GPR132: variants seen among roughly 807,000 people sequenced by gnomAD.
The protein encoded by GPR132 is G protein-coupled receptor 132.
A neutral mutation model predicts 1.9 loss-of-function variants in GPR132; 4 were observed. That is an observed-to-expected ratio of 2.13 (90% CI 1.05 to 4.87). GPR132 has a LOEUF of 4.87. Among genes scored for constraint, GPR132 ranks in the 30% most tolerant of loss-of-function variants. The pLI, the probability that GPR132 is intolerant of heterozygous loss-of-function variation, is 0.01. For missense variants in GPR132, 404 were observed against 512.5 expected (o/e 0.79, Z 2.04); for synonymous variants, 233 against 234.2 (o/e 0.99, Z 0.05).
chr14:105,054,158 C>A, intron 3 of GPR132: 2 of 1,276,874 alleles, frequency 1.6e-6, no homozygotes, highest in Non-Finnish European at 2.0e-6. Context: ...CAGACCTGGC[C>A]TCAGCACCTG....
rs575137809 is a variant in GPR132, at chr14:105,054,706, C to T, written c.34+681G>A. 5.0e-4 allele frequency among the ~76,000 whole-genome samples: 74 copies of T among 148,940 alleles called. 1 individual carries two copies. In the South Asian group the frequency reaches 0.016, roughly 32 times the overall value. ...TTGGCCTCCCAAAGTGCTGGGATTACAGGTGTGAGCCACCATGCCAGGCCA... is the reference window on the plus strand; with the variant it reads ...TTGGCCTCCCAAAGTGCTGGGATTATAGGTGTGAGCCACCATGCCAGGCCA... On this transcript the variant is annotated intron_variant, in intron 3 of 3. Coordinates refer to ENST00000329797, the MANE Select transcript of GPR132 (RefSeq NM_013345.4).
chr14:105,052,278 T>C (rs1886671372), intron 3 of GPR132, among the ~76,000 whole-genome samples, 176 bp from the exon 4 acceptor site: 1 of 152,238 alleles, frequency 6.6e-6, no homozygotes, highest in Non-Finnish European at 1.5e-5. Context: ...ATCTCCAACC[T>C]AGCAGCGTCA....
Position 105,050,860 on chromosome 14 carries a change from G to T in GPR132, c.*134C>A. 1 of 813,320 alleles carries T rather than the reference G, an allele frequency of 1.2e-6. No homozygotes were observed. 50.4% of individuals were successfully genotyped at this position (813,320 alleles called of 1,614,324 possible). On this transcript the variant is annotated 3_prime_UTR_variant, in exon 4 of 4. Transcript: ENST00000329797. The surrounding 1 kb of genome is among the most constrained non-coding windows in gnomAD (Gnocchi z 4.0). ...GGGGCCAGTGGTCACGGAGGGAGTGGCTTCAGGAACGAGAAATTGGTAGTT... is the reference window on the plus strand; with the variant it reads ...GGGGCCAGTGGTCACGGAGGGAGTGTCTTCAGGAACGAGAAATTGGTAGTT...
rs1257396806 is a variant in GPR132 at position 105,050,729 on chromosome 14, C to T, written c.*265G>A. On this transcript the variant is annotated 3_prime_UTR_variant, in exon 4 of 4. Coordinates refer to ENST00000329797, the MANE Select transcript of GPR132 (RefSeq NM_013345.4). This position sits in a 1 kb window ranked among gnomAD's most constrained non-coding sequence, Gnocchi z 4.0. Reference sequence around the variant, plus strand: ...CCAAGGGAGCCAGCCAGGCAGGCTGCTGATGAAGAGGCCCCACTGCCTGCC... The same window carrying T: ...CCAAGGGAGCCAGCCAGGCAGGCTGTTGATGAAGAGGCCCCACTGCCTGCC... 5.8e-6 allele frequency: 3 copies of T among 513,910 alleles called. No individual in the cohort carries two copies. The highest frequency in any genetic ancestry group is 3.4e-5 in the Admixed American group (1 of 29,146). The allele number at this position is 513,910 out of a possible 1,614,324, so 31.8% of individuals were successfully genotyped here.
At chr14:105,058,705 A>G (rs756236632) in intron 1 of GPR132, among the ~76,000 whole-genome samples, 4 of 152,222 alleles carry the variant, frequency 2.6e-5, no homozygotes, top group Admixed American at 6.5e-5. Flanking sequence ...CACCCACAGC[A>G]TGAGGGGCCC....
In GPR132 at chr14:105,049,828, G is replaced by C. The variant is rs939465326; in HGVS notation, c.*1166C>G. 1.3e-5 allele frequency: 2 copies of C among 152,400 alleles called. No homozygotes were observed. The highest frequency in any genetic ancestry group is 4.8e-5 in the African/African-American group (2 of 41,454). 9.4% of individuals were successfully genotyped at this position (152,400 alleles called of 1,614,324 possible). ...AAAACAAAAACAAAACAAAAACAAGGAAGAGCAACTGCATAGCTGCCTGAC... is the reference window on the plus strand; with the variant it reads ...AAAACAAAAACAAAACAAAAACAAGCAAGAGCAACTGCATAGCTGCCTGAC... On this transcript the variant is annotated 3_prime_UTR_variant, in exon 4 of 4. Transcript: ENST00000329797.
At position 105,055,113 on chromosome 14, in the gene GPR132, C is replaced by T. The variant is rs1255053484; in HGVS notation, c.34+274G>A. Among the ~76,000 whole-genome samples the T allele has an allele frequency of 1.3e-5, 2 of 151,342 alleles. No homozygotes were observed. Among genetic ancestry groups the T allele is most frequent in the African/African-American group, 2.4e-5 (1 of 41,130 alleles). ...GGAAGGACAAGGCAGGTGGATCACC[C>T]GAGGTCTGGAGTTCCAGACCAGCCT... On this transcript the variant is annotated intron_variant, in intron 3 of 3. Coordinates refer to ENST00000329797, the MANE Select transcript of GPR132 (RefSeq NM_013345.4). This position sits in a 1 kb window ranked among gnomAD's most constrained non-coding sequence, Gnocchi z 4.7.
rs1302760420 is a variant in GPR132, at chr14:105,056,071, C to T, written c.-651G>A. On this transcript the variant is annotated 5_prime_UTR_variant, in exon 3 of 4. Transcript: ENST00000329797. The surrounding 1 kb of genome is among the most constrained non-coding windows in gnomAD (Gnocchi z 6.0). ...CACGGTGGTGGCGCTGGCCCACCTT[C>T]CCCCGGCGGTGTGCAGGGCTCCGGT... 1.1e-6 allele frequency: 1 copy of T among 909,318 alleles called. No homozygotes were observed. The highest frequency in any genetic ancestry group is 1.8e-5 in the African/African-American group (1 of 55,920). The allele number at this position is 909,318 out of a possible 1,614,324, so 56.3% of individuals were successfully genotyped here. A position where few individuals can be genotyped will look rare whatever the true frequency, so the allele number is the denominator to read the frequency against.
chr14:105,061,641 C>T (rs1321942988), intron 1 of GPR132, among the ~76,000 whole-genome samples: 2 of 152,166 alleles, frequency 1.3e-5, no homozygotes, highest in African/African-American at 4.8e-5. Context: ...GGGGCCCGGG[C>T]CCTCTCTCAG....
Position 105,051,838 on chromosome 14 carries a change from A to T in GPR132, c.299T>A (p.Ile100Asn), listed in dbSNP as rs1467975608. 2 of 1,614,072 alleles carry T rather than the reference A, an allele frequency of 1.2e-6. No individual in the cohort carries two copies. Among genetic ancestry groups the T allele is most frequent in the Admixed American group, 3.3e-5 (2 of 60,016 alleles). Residue 100 changes from isoleucine (I) to asparagine (N), a missense_variant, in exon 4 of 4, where the codon ATC becomes AAC. Transcript: ENST00000329797. This position sits in a 1 kb window ranked among gnomAD's most constrained non-coding sequence, Gnocchi z 8.0. ...LYTGTLPLWV[I>N]YIRNQHRWTL... ...CCAGCGGTGCTGGTTGCGGATATAG[A>T]TGACCCAGAGTGGCAGCGTGCCTGT... is the stretch of plus-strand genomic sequence containing the variant.
intron 1 of GPR132, among the ~76,000 whole-genome samples, chr14:105,061,643 C>T (rs896566382): frequency 2.0e-5 from 3 of 152,182 alleles, no homozygotes; most frequent in Non-Finnish European, 4.4e-5. Context: ...GGCCCGGGCC[C>T]TCTCTCAGCT....
Position 105,051,785 on chromosome 14 carries a change from T to C in GPR132, c.352A>G (p.Thr118Ala). The C allele has an allele frequency of 6.2e-7, 1 of 1,614,124 alleles. No homozygotes were observed. Among genetic ancestry groups the C allele is most frequent in the Non-Finnish European group, 8.5e-7 (1 of 1,180,026 alleles). ...WTLGLLACKV[T>A]AYIFFCNIYV... ...ATGTTGCAGAAGAAGATGTAGGCGG[T>C]CACCTTGCAGGCCAGCAGGCCTAGG... The change falls in exon 4 of 4, where the codon ACC becomes GCC. Residue 118 changes from threonine to alanine, a missense_variant. Physicochemically the swap from Thr to Ala is moderately conservative, Grantham distance 58. Transcript: ENST00000329797. The surrounding 1 kb of genome is among the most constrained non-coding windows in gnomAD (Gnocchi z 8.0).
Position 105,051,146 on chromosome 14 carries a change from T to C in GPR132, c.991A>G (p.Met331Val). 4 of 1,614,200 alleles carry C rather than the reference T, an allele frequency of 2.5e-6. No individual in the cohort carries two copies. Among genetic ancestry groups the C allele is most frequent in the South Asian group, 1.1e-5 (1 of 91,074 alleles). The change falls in exon 4 of 4, where the codon ATG becomes GTG. Residue 331 changes from methionine (M) to valine (V), a missense_variant. Transcript: ENST00000329797. The surrounding 1 kb of genome is among the most constrained non-coding windows in gnomAD (Gnocchi z 8.0). ...RIHKGWKEWSMKTDVTRLTHS... is the reference protein window; with the variant it reads ...RIHKGWKEWSVKTDVTRLTHS... The stretch of plus-strand genomic sequence containing the variant: ...GTGAGCCTGGTGACGTCTGTCTTCA[T>C]GGACCACTCTTTCCACCCCTTATGG...
rs1886813581 is a variant in GPR132, at chr14:105,057,018, G to A, written c.-747+149C>T. 20 of 655,194 alleles carry A rather than the reference G, an allele frequency of 3.1e-5. No homozygotes were observed. The East Asian group carries it at 5.5e-4, about 18-fold the overall frequency. The allele number at this position is 655,194 out of a possible 1,614,324, so 40.6% of individuals were successfully genotyped here. On this transcript the variant is annotated intron_variant, in intron 2 of 3. Coordinates refer to ENST00000329797, the MANE Select transcript of GPR132 (RefSeq NM_013345.4). ...AATCAGTCCTTCATTTCTCCATGTA[G>A]CACCTCTAGATTTATTATTGCTGAG...
chr14:105,065,147 G>A (rs2140938853), intron 1 of GPR132, among the ~76,000 whole-genome samples: 1 of 152,276 alleles, frequency 6.6e-6, no homozygotes, highest in Non-Finnish European at 1.5e-5. Context: ...GGAAACTGTT[G>A]TCCCTCTCCC....
At chr14:105,057,497 G>A (rs917155036) in intron 1 of GPR132, 2 of 245,392 alleles carry the variant, frequency 8.2e-6, no homozygotes, top group Non-Finnish European at 7.8e-6. Context: ...TAGCCACTGC[G>A]ACTACATACG....
Position 105,063,248 on chromosome 14 carries a change from G to GCAC in GPR132, c.-861+2128_-861+2130dup, listed in dbSNP as rs545153241. Among the ~76,000 whole-genome samples the GCAC allele has an allele frequency of 2.8e-3, 418 of 151,968 alleles. 3 individuals are homozygous for GCAC. Among genetic ancestry groups the GCAC allele is most frequent in the African/African-American group, 9.8e-3 (405 of 41,426 alleles). On this transcript the variant is annotated intron_variant, in intron 1 of 3. Coordinates refer to ENST00000329797, the MANE Select transcript of GPR132 (RefSeq NM_013345.4). ...TGAATCCATTTTCCAGATTAGAGAAGCACCACATGTTCCTGGGATGGACAT... is the reference window on the plus strand; with the variant it reads ...TGAATCCATTTTCCAGATTAGAGAAGCACCACCACATGTTCCTGGGATGGACAT...
intron 2 of GPR132, 34 bp downstream of exon 2, chr14:105,057,133 C>T: frequency 3.3e-6 from 5 of 1,512,058 alleles, no homozygotes; most frequent in Non-Finnish European, 4.4e-6. Flanking sequence ...TGGGCTTCCT[C>T]TTACATGTTC....
Position 105,055,734 on chromosome 14 carries a change from T to C in GPR132, c.-314A>G. 2.2e-6 allele frequency: 1 copy of C among 451,306 alleles called. No homozygotes were observed. Among genetic ancestry groups the C allele is most frequent in the African/African-American group, 1.9e-5 (1 of 51,826 alleles). 28.0% of individuals were successfully genotyped at this position (451,306 alleles called of 1,614,324 possible). ...CGGGATGGTATTCCATTGTATTCAG[T>C]GTGTCCTCCAGGGTCTCGCCAAAAA... On this transcript the variant is annotated 5_prime_UTR_variant, in exon 3 of 4. Coordinates refer to ENST00000329797, the MANE Select transcript of GPR132 (RefSeq NM_013345.4). This position sits in a 1 kb window ranked among gnomAD's most constrained non-coding sequence, Gnocchi z 4.7.
Sources: gnomAD v4.1 joint callset for allele counts (sites outside exome capture counted in the v4.1 genomes callset) on GRCh38, gnomAD v4.1.1 for gene constraint, Gnocchi (gnomAD v3.1) non-coding constraint, MANE v1.5 for transcripts, NCBI Gene and HGNC (gene_info 2026-07-23, HGNC 2026-07-21) for gene names.